The following KCNQ1 variants were observed in gnomAD, a reference collection of about 807,000 sequenced individuals.
The protein encoded by KCNQ1 is potassium voltage-gated channel subfamily Q member 1, also known as potassium voltage-gated channel subfamily KQT member 1.
Under a neutral mutation model 72.4 loss-of-function variants are expected in KCNQ1, and 49 were observed. The ratio of observed to expected loss-of-function variants is 0.68; its 90% CI spans 0.54 to 0.86. The LOEUF (loss-of-function observed/expected upper bound fraction) is 0.86, where lower values mean the gene tolerates loss of function less well. Among genes scored for constraint, KCNQ1 ranks in the 40% least tolerant of loss-of-function variants. The probability of loss-of-function intolerance (pLI) is 0.00; values close to 1 mark genes in which losing one functional copy is unlikely to be tolerated. For missense variants in KCNQ1, 790 were observed against 945.1 expected (o/e 0.84, Z 2.15); for synonymous variants, 450 against 412.6 (o/e 1.09, Z -1.10).
chr11:2,528,050 C>T, intron 2 of KCNQ1, 32 bp downstream of exon 2: 1 of 1,561,636 alleles, frequency 6.4e-7, no homozygotes, highest in Non-Finnish European at 8.8e-7. Flanking sequence ...GGCTGGATGT[C>T]ATGGCTGCCT....
rs1040597816 is a variant in KCNQ1, at chr11:2,759,792, C to G, written c.1515-9052C>G. On this transcript the variant is annotated intron_variant, in intron 11 of 15. Coordinates refer to ENST00000155840, the MANE Select transcript of KCNQ1 (RefSeq NM_000218.3). The surrounding 1 kb of genome is among the most constrained non-coding windows in gnomAD (Gnocchi z 4.4). ...CAGAGGTCCTGGGAGGGGCTGAAGG[C>G]TCAGGGACACAGGTGAGGCCAGCCC... Among the ~76,000 whole-genome samples, 14 of 152,084 alleles carry G rather than the reference C, an allele frequency of 9.2e-5. No homozygotes were observed. Among genetic ancestry groups the G allele is most frequent in the Admixed American group, 2.0e-4 (3 of 15,278 alleles).
chr11:2,518,388 C>T (rs550102245), intron 1 of KCNQ1, among the ~76,000 whole-genome samples: 74 of 152,256 alleles, frequency 4.9e-4, no homozygotes, highest in East Asian at 2.5e-3. Context: ...GAGACAGAGG[C>T]GGGGGGACCA....
Position 2,767,785 on chromosome 11 carries a change from T to G in KCNQ1, c.1515-1059T>G, listed in dbSNP as rs1846524728. On this transcript the variant is annotated intron_variant, in intron 11 of 15. Transcript: ENST00000155840. The surrounding 1 kb of genome is among the most constrained non-coding windows in gnomAD (Gnocchi z 4.6). ...CAGCAACTGCTTTTTGCTCAGTTTC[T>G]GTGATTCTCACCCACCCGTGTGGCT... Among the ~76,000 whole-genome samples the G allele has an allele frequency of 6.6e-6, 1 of 152,268 alleles. No individual in the cohort carries two copies. Among genetic ancestry groups the G allele is most frequent in the South Asian group, 2.1e-4 (1 of 4,834 alleles).
intron 10 of KCNQ1, chr11:2,634,301 T>G: frequency 3.1e-6 from 1 of 322,604 alleles, no homozygotes; most frequent in Non-Finnish European, 5.5e-6. Flanking sequence ...GTATATCTCC[T>G]AATGCTTTCC....
chr11:2,640,562 CTTTTT>C lies in KCNQ1; in HGVS notation c.1394-21387_1394-21383del, dbSNP rs58881533. On this transcript the variant is annotated intron_variant, in intron 10 of 15. Transcript: ENST00000155840. Reference sequence around the variant, plus strand: ...TGGCCCCCCAAAGCACTGGGATTTCCTTTTTTTTTTTTTTTTGACCGATACATAAT... The same window carrying C: ...TGGCCCCCCAAAGCACTGGGATTTCCTTTTTTTTTTTGACCGATACATAAT... The C allele has an allele frequency of 2.1e-5, 8 of 385,794 alleles. No homozygotes were observed. The South Asian group carries it at 4.1e-4, about 20-fold the overall frequency. The allele number at this position is 385,794 out of a possible 1,614,324, so 23.9% of individuals were successfully genotyped here. A position where few individuals can be genotyped will look rare whatever the true frequency, so the allele number is the denominator to read the frequency against.
At chr11:2,693,588 G>T in intron 11 of KCNQ1, 1 of 398,652 alleles carries the variant, frequency 2.5e-6, no homozygotes, top group Non-Finnish European at 4.4e-6. Context: ...TTCCATAAAT[G>T]AGGCCACATT....
intron 11 of KCNQ1, among the ~76,000 whole-genome samples, chr11:2,741,768 C>T (rs112908040): frequency 0.045 from 6,919 of 152,312 alleles, 233 homozygotes; most frequent in East Asian, 0.12. Context: ...GCTGCGGGCG[C>T]GCAGACAGCT....
intron 15 of KCNQ1, among the ~76,000 whole-genome samples, chr11:2,778,868 C>T (rs1019821340): frequency 9.8e-5 from 15 of 152,326 alleles, no homozygotes; most frequent in Middle Eastern, 3.4e-3. Flanking sequence ...CGGCTGCAGC[C>T]GGGCAGGCGG....
chr11:2,668,811 C>T lies in KCNQ1; in HGVS notation c.1514+6730C>T. ...CAGAAGGTCTTAATTTTCATGTGGT[C>T]CAGTTAATCAAACATTTCCTCTCTG... On this transcript the variant is annotated intron_variant, in intron 11 of 15. Transcript: ENST00000155840. This position sits in a 1 kb window ranked among gnomAD's most constrained non-coding sequence, Gnocchi z 4.3. 1 of 398,552 alleles carries T rather than the reference C, an allele frequency of 2.5e-6. No homozygotes were observed. The highest frequency in any genetic ancestry group is 4.4e-6 in the Non-Finnish European group (1 of 226,040). 24.7% of individuals were successfully genotyped at this position (398,552 alleles called of 1,614,324 possible).
chr11:2,534,961 C>T (rs1181068841), intron 2 of KCNQ1, among the ~76,000 whole-genome samples: 2 of 152,214 alleles, frequency 1.3e-5, no homozygotes, highest in Non-Finnish European at 2.9e-5. Context: ...GGCTGGAGCC[C>T]TGGTTCCTGT....
chr11:2,623,380 G>C lies in KCNQ1; in HGVS notation c.1393+34526G>C. ...CAGATACGTATATTTACATATATTTGTACATTTTCACTGCCCTAAAAGTAC... is the reference window on the plus strand; with the variant it reads ...CAGATACGTATATTTACATATATTTCTACATTTTCACTGCCCTAAAAGTAC... On this transcript the variant is annotated intron_variant, in intron 10 of 15. Transcript: ENST00000155840. The surrounding 1 kb of genome is among the most constrained non-coding windows in gnomAD (Gnocchi z 5.2). 1 of 398,438 alleles carries C rather than the reference G, an allele frequency of 2.5e-6. No individual in the cohort carries two copies. The highest frequency in any genetic ancestry group is 4.4e-6 in the Non-Finnish European group (1 of 226,038). 24.7% of individuals were successfully genotyped at this position (398,438 alleles called of 1,614,324 possible).
chr11:2,468,432 CT>C lies in KCNQ1; in HGVS notation c.386+22957del, dbSNP rs1336282867. Among the ~76,000 whole-genome samples, 1 of 151,914 alleles carries C rather than the reference CT, an allele frequency of 6.6e-6. No individual in the cohort carries two copies. The highest frequency in any genetic ancestry group is 2.4e-5 in the African/African-American group (1 of 41,372). ...AAAGTGCTGGGATTACAGGCATGCA[CT>C]TTTTTTTTCTAAGTAGCTTTACGGA... On this transcript the variant is annotated intron_variant, in intron 1 of 15. Coordinates refer to ENST00000155840, the MANE Select transcript of KCNQ1 (RefSeq NM_000218.3). The surrounding 1 kb of genome is among the most constrained non-coding windows in gnomAD (Gnocchi z 5.7).
intron 1 of KCNQ1, among the ~76,000 whole-genome samples, chr11:2,449,667 C>A (rs1184931948): frequency 1.3e-5 from 2 of 152,172 alleles, no homozygotes; most frequent in Admixed American, 6.5e-5. Context: ...CCTTTGGGGG[C>A]AGCTGAGATG....
chr11:2,641,595 A>G (rs773887182), intron 10 of KCNQ1: 9 of 397,988 alleles, frequency 2.3e-5, no homozygotes, highest in Non-Finnish European at 4.0e-5. Flanking sequence ...CTGTCTCTTC[A>G]CTCTGGTGAT....
chr11:2,661,856 C>G lies in KCNQ1; in HGVS notation c.1394-105C>G, dbSNP rs1849961902. On this transcript the variant is annotated intron_variant, in intron 10 of 15. Transcript: ENST00000155840. The surrounding 1 kb of genome is among the most constrained non-coding windows in gnomAD (Gnocchi z 5.9). ...TTGTCAGGGCTGGAGCTTCCAGGCA[C>G]AAGCTCCACTCCTCACCTGGCCCTG... The G allele has an allele frequency of 5.6e-6, 8 of 1,436,230 alleles. No individual in the cohort carries two copies. The highest frequency in any genetic ancestry group is 4.5e-5 in the East Asian group (2 of 44,074). The allele number at this position is 1,436,230 out of a possible 1,614,324, so 89.0% of individuals were successfully genotyped here.
At chr11:2,699,612 G>GAA in intron 11 of KCNQ1, 1 of 354,102 alleles carries the variant, frequency 2.8e-6, no homozygotes, top group Admixed American at 4.7e-5. Flanking sequence ...AGAGGCCCCC[G>GAA]GAGAGAACCG....
At position 2,683,504 on chromosome 11, in the gene KCNQ1, CAT is replaced by C; in HGVS notation, c.1514+21425_1514+21426del. 2.5e-6 allele frequency: 1 copy of C among 398,622 alleles called. No individual in the cohort carries two copies. Among genetic ancestry groups the C allele is most frequent in the Non-Finnish European group, 4.4e-6 (1 of 226,052 alleles). 24.7% of individuals were successfully genotyped at this position (398,622 alleles called of 1,614,324 possible). A position where few individuals can be genotyped will look rare whatever the true frequency, so the allele number is the denominator to read the frequency against. Reference sequence around the variant, plus strand: ...CCTATTAAAACATAACTTGTTAAAGCATAGAGCTTAGTTCAGAGTAAACATTT... The same window carrying C: ...CCTATTAAAACATAACTTGTTAAAGCAGAGCTTAGTTCAGAGTAAACATTT... On this transcript the variant is annotated intron_variant, in intron 11 of 15. Coordinates refer to ENST00000155840, the MANE Select transcript of KCNQ1 (RefSeq NM_000218.3). The surrounding 1 kb of genome is among the most constrained non-coding windows in gnomAD (Gnocchi z 4.7).
chr11:2,553,250 G>C (rs1037414863), intron 2 of KCNQ1, among the ~76,000 whole-genome samples: 2 of 133,136 alleles, frequency 1.5e-5, no homozygotes, highest in African/African-American at 5.5e-5. Flanking sequence ...TCTTATTTTT[G>C]CCTTTTCAGT....
chr11:2,706,163 T>C (rs533076590), intron 11 of KCNQ1, among the ~76,000 whole-genome samples: 1 of 152,340 alleles, frequency 6.6e-6, no homozygotes, highest in Admixed American at 6.5e-5. Flanking sequence ...TTAATTCCCC[T>C]CTAATTAAGT....
Sources: gnomAD v4.1 joint callset for allele counts (sites outside exome capture counted in the v4.1 genomes callset) on GRCh38, gnomAD v4.1.1 for gene constraint, Gnocchi (gnomAD v3.1) non-coding constraint, MANE v1.5 for transcripts, NCBI Gene and HGNC (gene_info 2026-07-23, HGNC 2026-07-21) for gene names.